Variants in MCUB observed in about 807,000 individuals in gnomAD.
MCUB encodes mitochondrial calcium uniporter dominant negative subunit beta.
A neutral mutation model predicts 41.4 loss-of-function variants in MCUB; 46 were observed. The ratio of observed to expected loss-of-function variants is 1.11; its 90% CI spans 0.88 to 1.42. The LOEUF (loss-of-function observed/expected upper bound fraction) is 1.42, where lower values mean the gene tolerates loss of function less well. MCUB is among the 40% of genes most tolerant of loss of function. The probability of loss-of-function intolerance (pLI) is 0.00; values close to 1 mark genes in which losing one functional copy is unlikely to be tolerated. For missense variants in MCUB, 403 were observed against 404.9 expected (o/e 1.00, Z 0.04); for synonymous variants, 148 against 148.2 (o/e 1.00, Z 0.01).
rs565067449 is a variant in MCUB, at chr4:109,616,266, G to A, written c.100-42745G>A. On this transcript the variant is annotated intron_variant, in intron 1 of 7. Transcript: ENST00000394650. Reference sequence around the variant, plus strand: ...TACATTGTAGCTACCTCCTGCTGGAGAATTCTGCATTTTATTTTAACTGCT... The same window carrying A: ...TACATTGTAGCTACCTCCTGCTGGAAAATTCTGCATTTTATTTTAACTGCT... Among the ~76,000 whole-genome samples, 30 of 142,202 alleles carry A rather than the reference G, an allele frequency of 2.1e-4. No homozygotes were observed. In the South Asian group the frequency reaches 6.0e-3, roughly 29 times the overall value. The allele number at this position is 142,202 out of a possible 152,430, so 93.3% of individuals were successfully genotyped here. A position where few individuals can be genotyped will look rare whatever the true frequency, so the allele number is the denominator to read the frequency against.
intron 4 of MCUB, among the ~76,000 whole-genome samples, chr4:109,666,164 T>C (rs1729341863): frequency 6.6e-6 from 1 of 152,212 alleles, no homozygotes; most frequent in Admixed American, 6.5e-5. Context: ...GCTGAATAAT[T>C]GTTCATTATC....
At chr4:109,571,772 T>C (rs1726922388) in intron 1 of MCUB, among the ~76,000 whole-genome samples, 1 of 152,262 alleles carries the variant, frequency 6.6e-6, no homozygotes, top group Admixed American at 6.5e-5. Context: ...GCACAGAGGA[T>C]GTTTCAGTTT....
At chr4:109,580,559 A>G (rs1243418050) in intron 1 of MCUB, among the ~76,000 whole-genome samples, 3 of 152,154 alleles carry the variant, frequency 2.0e-5, no homozygotes, top group African/African-American at 7.2e-5. Context: ...CTGACTTTTT[A>G]ATGATTGCCA....
chr4:109,634,748 AT>A (rs1425253599), intron 1 of MCUB, among the ~76,000 whole-genome samples: 2 of 152,198 alleles, frequency 1.3e-5, no homozygotes, highest in Non-Finnish European at 2.9e-5. Context: ...AAGTTATTAA[AT>A]TATTTTAGGC....
At chr4:109,651,097 G>T (rs771117991) in intron 1 of MCUB, among the ~76,000 whole-genome samples, 2 of 152,106 alleles carry the variant, frequency 1.3e-5, no homozygotes, top group Non-Finnish European at 2.9e-5. Context: ...ATGCTTTTGT[G>T]TGAAGGCATT....
chr4:109,686,743 G>A (rs1207232197), intron 7 of MCUB, among the ~76,000 whole-genome samples: 2 of 152,098 alleles, frequency 1.3e-5, no homozygotes, highest in African/African-American at 2.4e-5. Context: ...GGACATGGTG[G>A]CACATGCTTG....
chr4:109,603,509 G>A (rs553118256), intron 1 of MCUB, among the ~76,000 whole-genome samples: 7 of 152,138 alleles, frequency 4.6e-5, no homozygotes, highest in African/African-American at 9.7e-5. Flanking sequence ...GCCTCTGCCC[G>A]GCCGCCACCC....
intron 1 of MCUB, among the ~76,000 whole-genome samples, chr4:109,649,983 C>T (rs953495554): frequency 3.9e-5 from 6 of 152,124 alleles, no homozygotes; most frequent in African/African-American, 1.4e-4. Flanking sequence ...GGAGGAGCAG[C>T]CCGGCTAACT....
chr4:109,678,936 CA>C, intron 4 of MCUB, among the ~76,000 whole-genome samples: 1 of 130,434 alleles, frequency 7.7e-6, no homozygotes, highest in African/African-American at 3.1e-5. Flanking sequence ...ACATCCCAGA[CA>C]GGGTGGCCGG....
At chr4:109,675,825 C>G (rs928225119) in intron 4 of MCUB, among the ~76,000 whole-genome samples, 1 of 152,202 alleles carries the variant, frequency 6.6e-6, no homozygotes, top group Non-Finnish European at 1.5e-5. Context: ...TGCATAAACA[C>G]TTGCTTTCTC....
chr4:109,599,016 A>C (rs948085393), intron 1 of MCUB, among the ~76,000 whole-genome samples: 1 of 152,196 alleles, frequency 6.6e-6, no homozygotes, highest in Admixed American at 6.5e-5. Context: ...AAAAGTGTTG[A>C]ATGTCCTTGA....
chr4:109,560,575 G>A (rs771344854), intron 1 of MCUB, 139 bp downstream of exon 1: 1 of 432,036 alleles, frequency 2.3e-6, no homozygotes, highest in Non-Finnish European at 3.9e-6. Flanking sequence ...CGCGCCGGGC[G>A]GTCCCGACAG....
At chr4:109,576,875 G>A (rs1727043170) in intron 1 of MCUB, among the ~76,000 whole-genome samples, 2 of 151,372 alleles carry the variant, frequency 1.3e-5, no homozygotes, top group Admixed American at 1.3e-4. Flanking sequence ...TTTTTGAGAT[G>A]GAGTCTCACT....
intron 1 of MCUB, among the ~76,000 whole-genome samples, chr4:109,650,397 T>C (rs1214354568): frequency 6.6e-6 from 1 of 152,232 alleles, no homozygotes; most frequent in Non-Finnish European, 1.5e-5. Context: ...AAAGGTTTAA[T>C]ATTTGACCCC....
intron 4 of MCUB, among the ~76,000 whole-genome samples, chr4:109,664,741 C>T (rs1382566626): frequency 2.6e-5 from 4 of 151,994 alleles, no homozygotes; most frequent in Admixed American, 2.6e-4. Flanking sequence ...TTTGGAAAAC[C>T]AGTGTTTAAG....
chr4:109,675,954 T>G (rs909755778), intron 4 of MCUB, among the ~76,000 whole-genome samples: 2 of 152,204 alleles, frequency 1.3e-5, no homozygotes, highest in African/African-American at 4.8e-5. Flanking sequence ...TTGTTCTTCC[T>G]AAGTTGCCCA....
chr4:109,600,869 A>T (rs1033311448), intron 1 of MCUB, among the ~76,000 whole-genome samples: 7 of 152,104 alleles, frequency 4.6e-5, no homozygotes, highest in African/African-American at 1.7e-4. Context: ...ATCTCAGCTC[A>T]CTGCAACCTC....
intron 1 of MCUB, among the ~76,000 whole-genome samples, chr4:109,607,491 T>A (rs571558537): frequency 4.6e-5 from 7 of 152,344 alleles, no homozygotes; most frequent in African/African-American, 1.7e-4. Flanking sequence ...GTGCTGGGAT[T>A]ACAGGCGTGA....
chr4:109,563,935 TA>T (rs1726700802), intron 1 of MCUB, among the ~76,000 whole-genome samples: 1 of 152,058 alleles, frequency 6.6e-6, no homozygotes, highest in Admixed American at 6.5e-5. Flanking sequence ...CCAGACCTAA[TA>T]ATCTACTCAA....
Sources: gnomAD v4.1 joint callset for allele counts (sites outside exome capture counted in the v4.1 genomes callset) on GRCh38, gnomAD v4.1.1 for gene constraint, MANE v1.5 for transcripts, NCBI Gene and HGNC (gene_info 2026-07-23, HGNC 2026-07-21) for gene names.